SPDL1: variants seen among roughly 807,000 people sequenced by gnomAD.
The protein encoded by SPDL1 is spindle apparatus coiled-coil protein 1.
In SPDL1, 85 loss-of-function variants were observed where a neutral mutation model predicts 79.5. The observed-to-expected ratio is 1.07, with a 90% CI of 0.90 to 1.28. The LOEUF is 1.28. Among genes scored for constraint, SPDL1 ranks in the 50% most tolerant of loss-of-function variants. The pLI is 0.00. For synonymous variants in SPDL1, 269 were observed against 240.3 expected (o/e 1.12, Z -1.10); for missense variants, 703 against 697.8 (o/e 1.01, Z -0.08).
chr5:169,586,221 A>C (rs1368363708), intron 1 of SPDL1: 1 of 152,292 alleles, frequency 6.6e-6, no homozygotes, highest in African/African-American at 2.4e-5. Flanking sequence ...TTGTCACCAG[A>C]GACCTCCAGG....
rs751638286 is a variant in SPDL1 at position 169,594,222 on chromosome 5, C to T, written c.609C>T (p.Arg203=). The T allele has an allele frequency of 6.2e-7, 1 of 1,613,810 alleles. No homozygotes were observed. Among genetic ancestry groups the T allele is most frequent in the South Asian group, 1.1e-5 (1 of 91,068 alleles). The change falls in exon 5 of 12, where the codon CGC becomes CGT. Residue 203 remains arginine (R), a synonymous_variant. Transcript: ENST00000265295. Reference sequence around the variant, plus strand: ...AACTTCTTATTACTAACCTAATGCGCCAGGTAGACCGGCTTAAAGAGGAAA... The same window carrying T: ...AACTTCTTATTACTAACCTAATGCGTCAGGTAGACCGGCTTAAAGAGGAAA... ...QLELLITNLM[R]QVDRLKEEKE...
At chr5:169,589,904 T>C (rs767237431) in intron 2 of SPDL1, among the ~76,000 whole-genome samples, 1 of 152,160 alleles carries the variant, frequency 6.6e-6, no homozygotes, top group African/African-American at 2.4e-5. Flanking sequence ...GGTTTCACCA[T>C]GTTGACCAGG....
intron 4 of SPDL1, among the ~76,000 whole-genome samples, chr5:169,593,792 T>G (rs1755427824): frequency 6.6e-6 from 1 of 152,188 alleles, no homozygotes; most frequent in African/African-American, 2.4e-5. Flanking sequence ...CTGGAAGAAT[T>G]TAGAGGCATA....
In SPDL1 at chr5:169,591,231, A is replaced by G; in HGVS notation, c.336+7A>G. ...GAATGAACTAAAAACTAAGGTTGGGATATCTGCGTATTTCAGCACAAAATA... is the reference window on the plus strand; with the variant it reads ...GAATGAACTAAAAACTAAGGTTGGGGTATCTGCGTATTTCAGCACAAAATA... On this transcript the variant is annotated splice_region_variant and intron_variant, in intron 3 of 11. Coordinates refer to ENST00000265295, the MANE Select transcript of SPDL1 (RefSeq NM_017785.5). 2 of 1,611,004 alleles carry G rather than the reference A, an allele frequency of 1.2e-6. No individual in the cohort carries two copies.
At chr5:169,588,658 G>C in intron 2 of SPDL1, 83 bp downstream of exon 2, 1 of 1,272,628 alleles carries the variant, frequency 7.9e-7, no homozygotes, top group Non-Finnish European at 1.1e-6. Flanking sequence ...AGTAGTAGTA[G>C]TTTATTCTTT....
intron 7 of SPDL1, among the ~76,000 whole-genome samples, chr5:169,594,986 T>A (rs1755517397): frequency 6.6e-6 from 1 of 152,194 alleles, no homozygotes; most frequent in Non-Finnish European, 1.5e-5. Context: ...TATTTCTTAT[T>A]CTTGGCCTGA....
chr5:169,591,066 TA>T lies in SPDL1; in HGVS notation c.179del (p.Tyr60LeufsTer14). ...TMTESYEQEK[Y>X]TLQREVELKS... is the part of the protein sequence containing the mutation. ...TTTTCAGAGTTATGAACAAGAAAAA[TA>T]TACCCTTCAAAGAGAAGTTGAACTC... On this transcript the variant is annotated frameshift_variant, in exon 3 of 12. Coordinates refer to ENST00000265295, the MANE Select transcript of SPDL1 (RefSeq NM_017785.5). LOFTEE classifies it high-confidence loss of function. The T allele has an allele frequency of 6.2e-7, 1 of 1,613,220 alleles. No homozygotes were observed. Among genetic ancestry groups the T allele is most frequent in the South Asian group, 1.1e-5 (1 of 90,942 alleles).
Position 169,594,692 on chromosome 5 carries a change from T to C in SPDL1, c.891+11T>C, listed in dbSNP as rs1043628361. ...ATGCAGAGAATGAAGGTATAGAACT[T>C]TCACTATCAAAGGTTTATTAAACAA... On this transcript the variant is annotated intron_variant, in intron 7 of 11. Transcript: ENST00000265295. 4 of 1,584,236 alleles carry C rather than the reference T, an allele frequency of 2.5e-6. No homozygotes were observed. Among genetic ancestry groups the C allele is most frequent in the Non-Finnish European group, 3.5e-6 (4 of 1,154,908 alleles).
At chr5:169,598,316 T>C (rs2113376176) in intron 8 of SPDL1, among the ~76,000 whole-genome samples, 160 bp from the exon 9 acceptor site, 1 of 152,344 alleles carries the variant, frequency 6.6e-6, no homozygotes, top group East Asian at 1.9e-4. Flanking sequence ...GGAATGTTAA[T>C]TATTTACCTA....
Position 169,598,591 on chromosome 5 carries a change from G to C in SPDL1, c.1136+12G>C. ...CTGGATAACTTAAAGTAAGTGTCTG[G>C]GTTGGTGGATGGAAAGATGAACATG... is the stretch of plus-strand genomic sequence containing the variant. On this transcript the variant is annotated intron_variant, in intron 9 of 11. Coordinates refer to ENST00000265295, the MANE Select transcript of SPDL1 (RefSeq NM_017785.5). 6.3e-7 allele frequency: 1 copy of C among 1,579,724 alleles called. No individual in the cohort carries two copies. The highest frequency in any genetic ancestry group is 8.7e-7 in the Non-Finnish European group (1 of 1,149,214).
chr5:169,593,576 G>A (rs183535206), intron 4 of SPDL1, 28 bp downstream of exon 4: 75 of 1,502,048 alleles, frequency 5.0e-5, no homozygotes, highest in Middle Eastern at 3.6e-4. Context: ...TGTTTCTCAG[G>A]GTTTTCTCTT....
In SPDL1 at chr5:169,588,652, G is replaced by C. The variant is rs751292096; in HGVS notation, c.159+77G>C. The C allele has an allele frequency of 3.0e-6, 4 of 1,315,216 alleles. No homozygotes were observed. The South Asian group carries it at 6.7e-5, about 22-fold the overall frequency. 81.5% of individuals were successfully genotyped at this position (1,315,216 alleles called of 1,614,324 possible). On this transcript the variant is annotated intron_variant, in intron 2 of 11. Coordinates refer to ENST00000265295, the MANE Select transcript of SPDL1 (RefSeq NM_017785.5). ...TTGTCCTGTTTAGCAATTAATAGTA[G>C]TAGTAGTTTATTCTTTTCTGAAGAT...
Position 169,604,461 on chromosome 5 carries a change from A to T in SPDL1, c.*254A>T. On this transcript the variant is annotated 3_prime_UTR_variant, in exon 12 of 12. Transcript: ENST00000265295. Reference sequence around the variant, plus strand: ...TAATTGAAGGAAAATGTTATAATTAATGTATCTATTTGCTGCATTGTATAT... The same window carrying T: ...TAATTGAAGGAAAATGTTATAATTATTGTATCTATTTGCTGCATTGTATAT... The T allele has an allele frequency of 4.2e-6, 1 of 236,832 alleles. No homozygotes were observed. Among genetic ancestry groups the T allele is most frequent in the Non-Finnish European group, 8.1e-6 (1 of 123,394 alleles). 14.7% of individuals were successfully genotyped at this position (236,832 alleles called of 1,614,324 possible). A position where few individuals can be genotyped will look rare whatever the true frequency, so the allele number is the denominator to read the frequency against.
At chr5:169,602,692 A>G (rs886064330) in intron 11 of SPDL1, among the ~76,000 whole-genome samples, 3 of 152,242 alleles carry the variant, frequency 2.0e-5, no homozygotes, top group African/African-American at 7.2e-5. Context: ...GTTAGCTGCT[A>G]TTATTATAAG....
chr5:169,604,406 A>C lies in SPDL1; in HGVS notation c.*199A>C. 1 of 379,308 alleles carries C rather than the reference A, an allele frequency of 2.6e-6. No homozygotes were observed. Among genetic ancestry groups the C allele is most frequent in the East Asian group, 4.1e-5 (1 of 24,628 alleles). 23.5% of individuals were successfully genotyped at this position (379,308 alleles called of 1,614,324 possible). ...AGAGCTTCTTAAGTGATGCCCCTTCATGGAGCTTCTATGACAGTGAATAAA... is the reference window on the plus strand; with the variant it reads ...AGAGCTTCTTAAGTGATGCCCCTTCCTGGAGCTTCTATGACAGTGAATAAA... On this transcript the variant is annotated 3_prime_UTR_variant, in exon 12 of 12. Coordinates refer to ENST00000265295, the MANE Select transcript of SPDL1 (RefSeq NM_017785.5).
chr5:169,588,650 T>C, intron 2 of SPDL1, 75 bp downstream of exon 2: 2 of 1,318,010 alleles, frequency 1.5e-6, no homozygotes, highest in Non-Finnish European at 2.1e-6. Flanking sequence ...CAATTAATAG[T>C]AGTAGTAGTT....
rs938911589 is a variant in SPDL1 at position 169,604,393 on chromosome 5, G to A, written c.*186G>A. 4 of 412,926 alleles carry A rather than the reference G, an allele frequency of 9.7e-6. No individual in the cohort carries two copies. The highest frequency in any genetic ancestry group is 6.2e-4 in the Middle Eastern group (1 of 1,604). The allele number at this position is 412,926 out of a possible 1,614,324, so 25.6% of individuals were successfully genotyped here. A position where few individuals can be genotyped will look rare whatever the true frequency, so the allele number is the denominator to read the frequency against. ...GACTCTAACCTGGAGAGCTTCTTAA[G>A]TGATGCCCCTTCATGGAGCTTCTAT... On this transcript the variant is annotated 3_prime_UTR_variant, in exon 12 of 12. Transcript: ENST00000265295.
In SPDL1 at chr5:169,598,456, C is replaced by T; in HGVS notation, c.1033-20C>T. 1 of 1,475,830 alleles carries T rather than the reference C, an allele frequency of 6.8e-7. No homozygotes were observed. The highest frequency in any genetic ancestry group is 2.3e-5 in the East Asian group (1 of 44,128). The allele number at this position is 1,475,830 out of a possible 1,614,324, so 91.4% of individuals were successfully genotyped here. A position where few individuals can be genotyped will look rare whatever the true frequency, so the allele number is the denominator to read the frequency against. On this transcript the variant is annotated intron_variant, in intron 8 of 11. Coordinates refer to ENST00000265295, the MANE Select transcript of SPDL1 (RefSeq NM_017785.5). ...TATTTGTTATTTATTTTAAGTAATA[C>T]AAACTTTTGCTTTTTTAAGAATTTA...
chr5:169,594,846 T>C (rs1755509572), intron 7 of SPDL1, among the ~76,000 whole-genome samples, 165 bp downstream of exon 7: 1 of 152,222 alleles, frequency 6.6e-6, no homozygotes, highest in Non-Finnish European at 1.5e-5. Context: ...AAAGATTCAT[T>C]TATAGTTTAA....
Sources: gnomAD v4.1 joint callset for allele counts (sites outside exome capture counted in the v4.1 genomes callset) on GRCh38, gnomAD v4.1.1 for gene constraint, MANE v1.5 for transcripts, NCBI Gene and HGNC (gene_info 2026-07-23, HGNC 2026-07-21) for gene names.